Variants in NPIPB2 observed in about 807,000 individuals in gnomAD.
NPIPB2 encodes the protein nuclear pore complex-interacting protein family member B2.
Under a neutral mutation model 30.8 loss-of-function variants are expected in NPIPB2, and 27 were observed. The observed-to-expected ratio is 0.88, with a 90% CI of 0.65 to 1.21. The LOEUF (loss-of-function observed/expected upper bound fraction) is 1.21, where lower values mean the gene tolerates loss of function less well. Among genes scored for constraint, NPIPB2 ranks in the 50% most tolerant of loss-of-function variants. The pLI, the probability that NPIPB2 is intolerant of heterozygous loss-of-function variation, is 0.00. For synonymous variants in NPIPB2, 147 were observed against 162.0 expected, an observed-to-expected ratio of 0.91 and a Z score of 0.70; for missense variants, 440 against 446.2, an observed-to-expected ratio of 0.99 and a Z score of 0.13.
chr16:11,946,299 T>C (rs1481672063), upstream of NPIPB2, among the ~76,000 whole-genome samples: 2 of 149,180 alleles, frequency 1.3e-5, no homozygotes, highest in Non-Finnish European at 3.0e-5. Context: ...GCAGGAGAAT[T>C]GCTTGAACCC....
Position 11,927,651 on chromosome 16 carries a change from T to A in NPIPB2, c.916A>T (p.Thr306Ser), listed in dbSNP as rs766295778. 59 of 1,598,060 alleles carry A rather than the reference T, an allele frequency of 3.7e-5. 1 individual carries two copies. In the Middle Eastern group the frequency reaches 5.8e-4, roughly 16 times the overall value. Residue 306 changes from threonine (T) to serine (S), a missense_variant, in exon 8 of 8, where the codon ACT becomes TCT. Transcript: ENST00000399147. ...GGTGGAGCTGAGGGTGGAAGGGGAG[T>A]GAGCAGACACTCGGGAGGTGTCTTG...
At chr16:11,973,196 A>T (rs1165496361) in intron 1 of NPIPB2, among the ~76,000 whole-genome samples, 2 of 148,736 alleles carry the variant, frequency 1.3e-5, no homozygotes, top group Non-Finnish European at 1.5e-5. Context: ...ACTCTATTCT[A>T]TCAGTAATTC....
upstream of NPIPB2, among the ~76,000 whole-genome samples, chr16:11,944,157 G>C (rs747079620): frequency 1.2e-4 from 18 of 151,290 alleles, 1 homozygote; most frequent in South Asian, 3.6e-3. Context: ...CTGTGATACA[G>C]ATGATAAACT....
intron 1 of NPIPB2, among the ~76,000 whole-genome samples, chr16:11,953,373 T>C (rs949057459): frequency 3.3e-5 from 5 of 152,010 alleles, no homozygotes; most frequent in Non-Finnish European, 4.4e-5. Context: ...GACGGAGTCT[T>C]GCTCTGTTGC....
intron 1 of NPIPB2, chr16:11,965,309 T>C: frequency 6.2e-7 from 1 of 1,614,088 alleles, no homozygotes; most frequent in South Asian, 1.1e-5. Flanking sequence ...AGCTCCCTTG[T>C]TTTCTTTTTG....
At chr16:11,945,400 G>T (rs759011112), upstream of NPIPB2, among the ~76,000 whole-genome samples, 10 of 151,772 alleles carry the variant, frequency 6.6e-5, no homozygotes, top group Non-Finnish European at 1.3e-4. Flanking sequence ...TAAGCAGGGT[G>T]CAGTAACTCA....
intron 1 of NPIPB2, chr16:11,941,385 G>C (rs1441745780): frequency 6.1e-6 from 2 of 327,750 alleles, no homozygotes; most frequent in East Asian, 7.0e-5. Flanking sequence ...GGAGAGGAAG[G>C]GGGGAAGTAA....
At chr16:11,960,469 G>A (rs960894883) in intron 1 of NPIPB2, among the ~76,000 whole-genome samples, 2 of 150,248 alleles carry the variant, frequency 1.3e-5, no homozygotes, top group Non-Finnish European at 3.0e-5. Context: ...CAATTGCCCT[G>A]CCTCAGGCTC....
intron 1 of NPIPB2, among the ~76,000 whole-genome samples, chr16:11,975,886 G>C (rs1365289949): frequency 6.6e-6 from 1 of 151,546 alleles, no homozygotes; most frequent in African/African-American, 2.4e-5. Context: ...GAGTCACCGC[G>C]TCCGGCCTAG....
At chr16:11,933,218 C>T (rs59363612) in intron 4 of NPIPB2, among the ~76,000 whole-genome samples, 146,228 of 151,326 alleles carry the variant, frequency 0.97, 70,846 homozygotes, top group Non-Finnish European at 1. Flanking sequence ...TGCCATTGCA[C>T]TACAGCCTGG....
intron 1 of NPIPB2, among the ~76,000 whole-genome samples, chr16:11,962,295 T>C (rs1462459391): frequency 2.0e-5 from 3 of 149,604 alleles, no homozygotes; most frequent in East Asian, 2.0e-4. Flanking sequence ...GGTGAGGGGA[T>C]TGAGACCATT....
At chr16:11,971,879 G>T (rs1453707752) in intron 1 of NPIPB2, among the ~76,000 whole-genome samples, 1 of 152,150 alleles carries the variant, frequency 6.6e-6, no homozygotes, top group East Asian at 1.9e-4. Flanking sequence ...AGGCGTAGTG[G>T]CTCTTGCCTG....
chr16:11,941,110 T>C (rs1313937827), intron 1 of NPIPB2: 8 of 1,418,202 alleles, frequency 5.6e-6, no homozygotes, highest in African/African-American at 1.6e-5. Context: ...TGTAATTTCA[T>C]GCCGCGTGAC....
intron 1 of NPIPB2, among the ~76,000 whole-genome samples, chr16:11,965,636 G>T (rs1486904153): frequency 6.6e-6 from 1 of 152,100 alleles, no homozygotes; most frequent in African/African-American, 2.4e-5. Flanking sequence ...AACTGAACTT[G>T]ATATGATTCA....
At position 11,933,498 on chromosome 16, in the gene NPIPB2, G is replaced by T. The variant is rs780016805; in HGVS notation, c.488+19C>A. On this transcript the variant is annotated intron_variant, in intron 4 of 7. Coordinates refer to ENST00000399147, the Ensembl canonical transcript of NPIPB2. ...GCACATGGTTCATACAACAATATTTGTGTCAAGGCACATCTTACTGTTTTT... is the reference window on the plus strand; with the variant it reads ...GCACATGGTTCATACAACAATATTTTTGTCAAGGCACATCTTACTGTTTTT... 6.3e-7 allele frequency: 1 copy of T among 1,596,710 alleles called. No homozygotes were observed. The highest frequency in any genetic ancestry group is 8.5e-7 in the Non-Finnish European group (1 of 1,179,008).
intron 1 of NPIPB2, among the ~76,000 whole-genome samples, chr16:11,948,811 A>T (rs2055037385): frequency 2.0e-5 from 3 of 147,922 alleles, no homozygotes; most frequent in Admixed American, 2.0e-4. Context: ...AAGAAATATT[A>T]GCTACTTCAG....
At position 11,972,039 on chromosome 16, in the gene NPIPB2, G is replaced by A. The variant is rs575997053; in HGVS notation, c.-584+4529C>T. Among the ~76,000 whole-genome samples the A allele has an allele frequency of 4.9e-4, 74 of 151,768 alleles. 1 individual carries two copies. The South Asian group carries it at 0.014, about 28-fold the overall frequency. ...CAGGCACCTGTAATCCCAGCTACTC[G>A]GGAGGCTGAGGCAGGAGGATCACTT... On this transcript the variant is annotated intron_variant, in intron 1 of 5. Coordinates refer to the NPIPB2 transcript ENST00000538896.
At chr16:11,946,667 C>A (rs1016194296), upstream of NPIPB2, among the ~76,000 whole-genome samples, 5 of 152,026 alleles carry the variant, frequency 3.3e-5, no homozygotes, top group African/African-American at 7.2e-5. Flanking sequence ...TATGGAGAAA[C>A]AGAAACTCTC....
At chr16:11,944,749 A>G (rs2054986016), upstream of NPIPB2, among the ~76,000 whole-genome samples, 1 of 150,468 alleles carries the variant, frequency 6.6e-6, no homozygotes, top group Non-Finnish European at 1.5e-5. Flanking sequence ...AAAAAAAAAA[A>G]AAAAAAAAAA....
Sources: allele counts gnomAD v4.1 joint callset (sites outside exome capture counted in the v4.1 genomes callset), GRCh38; gene constraint gnomAD v4.1.1; transcripts MANE v1.5; gene names NCBI Gene and HGNC (gene_info 2026-07-23, HGNC 2026-07-21).